FAR1: variants seen among roughly 807,000 people sequenced by gnomAD.
FAR1 encodes male sterility domain-containing protein 2.
A neutral mutation model predicts 61.1 loss-of-function variants in FAR1; 22 were observed. The ratio of observed to expected loss-of-function variants is 0.36; its 90% CI spans 0.26 to 0.51. FAR1 has a LOEUF of 0.51. FAR1 is among the 20% of genes least tolerant of loss of function. FAR1 has a pLI of 0.95. For synonymous variants in FAR1, 206 were observed against 209.7 expected, an observed-to-expected ratio of 0.98 and a Z score of 0.15; for missense variants, 359 against 626.9, an observed-to-expected ratio of 0.57 and a Z score of 4.56.
At chr11:13,699,730 T>G (rs1301399589) in intron 2 of FAR1, among the ~76,000 whole-genome samples, 2 of 152,230 alleles carry the variant, frequency 1.3e-5, no homozygotes, top group Non-Finnish European at 2.9e-5. Context: ...AATGTTCAGC[T>G]TAAATCCTAT....
chr11:13,689,703 G>C (rs897861898), intron 1 of FAR1, among the ~76,000 whole-genome samples: 1 of 152,026 alleles, frequency 6.6e-6, no homozygotes, highest in African/African-American at 2.4e-5. Flanking sequence ...GCTTTAGTGG[G>C]TAGTACCATC....
intron 10 of FAR1, among the ~76,000 whole-genome samples, chr11:13,722,858 C>CTCTCTCTATA (rs905924337): frequency 2.0e-3 from 296 of 147,868 alleles, no homozygotes; most frequent in South Asian, 6.2e-3. Flanking sequence ...CTCTCTCTCT[C>CTCTCTCTATA]TATATATATA....
At chr11:13,705,852 C>G (rs1371383475) in intron 3 of FAR1, among the ~76,000 whole-genome samples, 1 of 152,116 alleles carries the variant, frequency 6.6e-6, no homozygotes, top group Non-Finnish European at 1.5e-5. Flanking sequence ...AAAACTTGTC[C>G]TGTCCTCAGG....
chr11:13,716,021 C>T (rs573973331), intron 9 of FAR1, among the ~76,000 whole-genome samples: 1 of 152,248 alleles, frequency 6.6e-6, no homozygotes, highest in Non-Finnish European at 1.5e-5. Context: ...AGGTGTTGAA[C>T]AACTTTAGAG....
chr11:13,731,818 T>A lies in FAR1; in HGVS notation c.*3044T>A, dbSNP rs1848729993. 6.6e-6 allele frequency: 1 copy of A among 152,152 alleles called. No individual in the cohort carries two copies. Among genetic ancestry groups the A allele is most frequent in the Non-Finnish European group, 1.5e-5 (1 of 68,026 alleles). The allele number at this position is 152,152 out of a possible 1,614,324, so 9.4% of individuals were successfully genotyped here. Reference sequence around the variant, plus strand: ...CTGCTCTCCTCCACATTGAATGATATCTTGTTAATTTATAGGCACATTTGT... The same window carrying A: ...CTGCTCTCCTCCACATTGAATGATAACTTGTTAATTTATAGGCACATTTGT... On this transcript the variant is annotated 3_prime_UTR_variant, in exon 12 of 12. Transcript: ENST00000354817.
At chr11:13,691,004 T>C (rs898800247) in intron 1 of FAR1, among the ~76,000 whole-genome samples, 6 of 152,234 alleles carry the variant, frequency 3.9e-5, no homozygotes, top group Admixed American at 6.5e-5. Context: ...AAATAACCAT[T>C]TGTGTCTGTT....
At chr11:13,684,348 G>A (rs1338214505) in intron 1 of FAR1, among the ~76,000 whole-genome samples, 1 of 152,154 alleles carries the variant, frequency 6.6e-6, no homozygotes, top group Non-Finnish European at 1.5e-5. Context: ...GACTATTTCT[G>A]AAATATTACA....
intron 10 of FAR1, among the ~76,000 whole-genome samples, chr11:13,724,649 C>A (rs1848651253): frequency 6.6e-6 from 1 of 151,074 alleles, no homozygotes; most frequent in Non-Finnish European, 1.5e-5. Context: ...TTCCCACTTA[C>A]TTTTTTTATT....
At chr11:13,686,930 C>G (rs1186514245) in intron 1 of FAR1, among the ~76,000 whole-genome samples, 1 of 152,156 alleles carries the variant, frequency 6.6e-6, no homozygotes, top group Admixed American at 6.5e-5. Context: ...TCATTTCAGG[C>G]TCTTTTGGCC....
At chr11:13,677,961 G>A (rs569711242) in intron 1 of FAR1, among the ~76,000 whole-genome samples, 7 of 152,246 alleles carry the variant, frequency 4.6e-5, no homozygotes, top group Middle Eastern at 3.4e-3. Flanking sequence ...AATTGATAAC[G>A]ATGAGCCAAA....
chr11:13,672,388 CAAAAA>C (rs34030723), intron 1 of FAR1, among the ~76,000 whole-genome samples: 1 of 128,856 alleles, frequency 7.8e-6, no homozygotes, highest in South Asian at 2.6e-4. Context: ...CTTTTCTATC[CAAAAA>C]AAAAAAAAAA....
chr11:13,687,874 G>T (rs915323562), intron 1 of FAR1, among the ~76,000 whole-genome samples: 2 of 146,552 alleles, frequency 1.4e-5, no homozygotes, highest in Non-Finnish European at 3.0e-5. Context: ...AACACCGCAT[G>T]CTCTCATAGG....
chr11:13,710,644 T>G (rs371856810), intron 4 of FAR1, 49 bp from the exon 5 acceptor site: 123 of 1,476,694 alleles, frequency 8.3e-5, no homozygotes, highest in Non-Finnish European at 1.0e-4. Flanking sequence ...AGCTTTTTAT[T>G]TTATAGTAAA....
chr11:13,727,585 T>C lies in FAR1; in HGVS notation c.1287T>C (p.His429=). 3 of 1,608,404 alleles carry C rather than the reference T, an allele frequency of 1.9e-6. No individual in the cohort carries two copies. The highest frequency in any genetic ancestry group is 2.5e-6 in the Non-Finnish European group (3 of 1,176,754). ...KTFNIDVRQL[H]WAEYIENYCL... is the part of the protein sequence containing the mutation. ...TCAATATTGATGTACGGCAGTTACA[T>C]TGGGCAGAATATATAGAGAACTACT... is the stretch of plus-strand genomic sequence containing the variant. Residue 429 remains histidine, a synonymous_variant, in exon 11 of 12, where the codon CAT becomes CAC. Coordinates refer to ENST00000354817, the MANE Select transcript of FAR1 (RefSeq NM_032228.6).
At chr11:13,675,171 A>G (rs1472628166) in intron 1 of FAR1, among the ~76,000 whole-genome samples, 1 of 151,786 alleles carries the variant, frequency 6.6e-6, no homozygotes, top group African/African-American at 2.4e-5. Context: ...CTTGAGCATT[A>G]TACTGTTCTG....
At position 13,730,288 on chromosome 11, in the gene FAR1, A is replaced by G. The variant is rs1265424655; in HGVS notation, c.*1514A>G. On this transcript the variant is annotated 3_prime_UTR_variant, in exon 12 of 12. Coordinates refer to ENST00000354817, the MANE Select transcript of FAR1 (RefSeq NM_032228.6). The stretch of plus-strand genomic sequence containing the variant: ...GTTTATTTTGCTATTGTGAAAAACT[A>G]AATGTAAAGGAAATCACCTACTTTC... 6.6e-6 allele frequency: 1 copy of G among 152,502 alleles called. No individual in the cohort carries two copies. The highest frequency in any genetic ancestry group is 1.5e-5 in the Non-Finnish European group (1 of 67,932). The allele number at this position is 152,502 out of a possible 1,614,324, so 9.4% of individuals were successfully genotyped here. A position where few individuals can be genotyped will look rare whatever the true frequency, so the allele number is the denominator to read the frequency against.
At chr11:13,687,119 A>C (rs1848195512) in intron 1 of FAR1, among the ~76,000 whole-genome samples, 1 of 152,174 alleles carries the variant, frequency 6.6e-6, no homozygotes, top group South Asian at 2.1e-4. Context: ...AATATGTGAT[A>C]ATTTTTTTTA....
intron 4 of FAR1, among the ~76,000 whole-genome samples, chr11:13,709,791 G>A (rs1280140370): frequency 2.0e-5 from 3 of 151,948 alleles, no homozygotes; most frequent in South Asian, 2.1e-4. Context: ...GATAATCTCT[G>A]TTTTATGCTT....
intron 1 of FAR1, among the ~76,000 whole-genome samples, chr11:13,673,484 CCTTT>C (rs1428536368): frequency 6.6e-6 from 1 of 152,150 alleles, no homozygotes; most frequent in African/African-American, 2.4e-5. Context: ...GGGATTCAAA[CCTTT>C]CTTTGTCTAA....
Sources: allele counts gnomAD v4.1 joint callset (sites outside exome capture counted in the v4.1 genomes callset), GRCh38; gene constraint gnomAD v4.1.1; transcripts MANE v1.5; gene names NCBI Gene and HGNC (gene_info 2026-07-23, HGNC 2026-07-21).